XKR9: variants seen among roughly 807,000 people sequenced by gnomAD.
XKR9 encodes XK related 9, also known as XK-related protein 9.
In XKR9, 32 loss-of-function variants were observed where a neutral mutation model predicts 32.0. The observed-to-expected ratio is 1.00, with a 90% CI of 0.76 to 1.34. The LOEUF is 1.34. Ranked by LOEUF, XKR9 falls within the 40% of genes most tolerant of loss-of-function variation. The pLI, the probability that XKR9 is intolerant of heterozygous loss-of-function variation, is 0.00. For missense variants in XKR9, 546 were observed against 429.7 expected, an observed-to-expected ratio of 1.27 and a Z score of -2.39; for synonymous variants, 168 against 143.4, an observed-to-expected ratio of 1.17 and a Z score of -1.22.
chr8:71,036,127 T>C, the XKR9 span, among the ~76,000 whole-genome samples: 14 of 152,352 alleles, frequency 9.2e-5, no homozygotes, highest in South Asian at 2.5e-3. Flanking sequence ...TGTAAACTTA[T>C]ATGAAATACA....
At chr8:70,947,918 A>G in the XKR9 span, among the ~76,000 whole-genome samples, 1 of 152,350 alleles carries the variant, frequency 6.6e-6, no homozygotes, top group East Asian at 1.9e-4. Context: ...GGTAGTTTGC[A>G]TCCTTTATGA....
At chr8:70,968,989 G>A in the XKR9 span, among the ~76,000 whole-genome samples, 1 of 152,264 alleles carries the variant, frequency 6.6e-6, no homozygotes, top group African/African-American at 2.4e-5. Flanking sequence ...ACCATGCTGG[G>A]GGAAACCTGC....
the XKR9 span, among the ~76,000 whole-genome samples, chr8:70,827,459 G>A: frequency 1.3e-5 from 2 of 152,110 alleles, no homozygotes; most frequent in African/African-American, 4.8e-5. Flanking sequence ...ACGGTTGTGT[G>A]TAGGCATTTT....
chr8:70,728,838 T>C (rs941581562), intron 4 of XKR9, among the ~76,000 whole-genome samples: 14 of 152,246 alleles, frequency 9.2e-5, no homozygotes, highest in South Asian at 6.2e-4. Flanking sequence ...TTGATTTTGG[T>C]GAACTCTGTT....
the XKR9 span, among the ~76,000 whole-genome samples, chr8:70,924,754 C>T: frequency 6.6e-5 from 10 of 152,138 alleles, no homozygotes; most frequent in Non-Finnish European, 2.9e-5. Flanking sequence ...AGACCCAGGA[C>T]AAAAAGAGGG....
the XKR9 span, among the ~76,000 whole-genome samples, chr8:71,039,750 A>G: frequency 3.9e-5 from 6 of 152,128 alleles, no homozygotes; most frequent in East Asian, 1.9e-4. Flanking sequence ...GACTCCCCTC[A>G]TGGTTACCTA....
intron 4 of XKR9, among the ~76,000 whole-genome samples, chr8:70,725,146 A>G (rs1338696338): frequency 6.6e-6 from 1 of 152,034 alleles, no homozygotes; most frequent in African/African-American, 2.4e-5. Context: ...CATGGGGGAA[A>G]CTTCCCCTGT....
the XKR9 span, among the ~76,000 whole-genome samples, chr8:70,980,590 T>A: frequency 3.3e-5 from 5 of 152,236 alleles, no homozygotes; most frequent in Admixed American, 3.3e-4. Flanking sequence ...CTGCCATTCC[T>A]TGTCTTGTAA....
At chr8:70,776,947 C>CTCTCTCTCTCTCTCTCTCTCTCTCTATA in intron 2 of XKR9, among the ~76,000 whole-genome samples, 3 of 54,202 alleles carry the variant, frequency 5.5e-5, no homozygotes, top group African/African-American at 2.4e-4. Flanking sequence ...CTCTCTCTCT[C>CTCTCTCTCTCTCTCTCTCTCTCTCTATA]TATATATATA....
the XKR9 span, among the ~76,000 whole-genome samples, chr8:70,840,832 T>G: frequency 6.6e-6 from 1 of 152,196 alleles, no homozygotes; most frequent in African/African-American, 2.4e-5. Flanking sequence ...ACCTCAAATC[T>G]GTGTTTAGGT....
chr8:70,892,075 C>T, the XKR9 span, among the ~76,000 whole-genome samples: 11,049 of 152,158 alleles, frequency 0.073, 473 homozygotes, highest in Non-Finnish European at 0.089. Flanking sequence ...AATAAAGCTA[C>T]TCTTGCTCTT....
chr8:70,968,301 C>T, the XKR9 span, among the ~76,000 whole-genome samples: 2 of 152,100 alleles, frequency 1.3e-5, no homozygotes, highest in South Asian at 2.1e-4. Flanking sequence ...CAGTTATGCT[C>T]CTCTCTGAAC....
chr8:70,883,452 G>T, the XKR9 span, among the ~76,000 whole-genome samples: 2 of 151,970 alleles, frequency 1.3e-5, no homozygotes, highest in Non-Finnish European at 2.9e-5. Context: ...GTGTGTATGT[G>T]TCTTCTTCAT....
At chr8:71,050,556 G>A in the XKR9 span, among the ~76,000 whole-genome samples, 3 of 151,992 alleles carry the variant, frequency 2.0e-5, no homozygotes. Context: ...TAAGGTGGAG[G>A]AATACTAAGA....
chr8:70,739,269 TA>T (rs1438236657), downstream of XKR9, among the ~76,000 whole-genome samples: 1 of 152,222 alleles, frequency 6.6e-6, no homozygotes, highest in Non-Finnish European at 1.5e-5. Context: ...AAGTCTCTTT[TA>T]TCAGAGACTA....
the XKR9 span, among the ~76,000 whole-genome samples, chr8:71,036,630 G>A: frequency 6.6e-6 from 1 of 152,010 alleles, no homozygotes; most frequent in Non-Finnish European, 1.5e-5. Flanking sequence ...GGTTTTGTGA[G>A]GACTAAATGA....
At chr8:70,817,024 G>C in the XKR9 span, among the ~76,000 whole-genome samples, 1 of 152,018 alleles carries the variant, frequency 6.6e-6, no homozygotes, top group East Asian at 1.9e-4. Flanking sequence ...AAGAGAAAGA[G>C]AAAACAGAAT....
chr8:70,738,744 G>T (rs1049258735), downstream of XKR9, among the ~76,000 whole-genome samples: 1 of 152,084 alleles, frequency 6.6e-6, no homozygotes, highest in Non-Finnish European at 1.5e-5. Context: ...AGTCATTCAG[G>T]AGCAGGTTGT....
downstream of XKR9, among the ~76,000 whole-genome samples, chr8:70,793,075 A>G (rs1807784449): frequency 1.3e-5 from 2 of 152,208 alleles, no homozygotes; most frequent in Middle Eastern, 3.4e-3. Flanking sequence ...TTCTGTTTAG[A>G]TCCTTGAACC....
Sources: gnomAD v4.1 joint callset for allele counts (sites outside exome capture counted in the v4.1 genomes callset) on GRCh38, gnomAD v4.1.1 for gene constraint, MANE v1.5 for transcripts, NCBI Gene and HGNC (gene_info 2026-07-23, HGNC 2026-07-21) for gene names.